The following ADAM32 variants were observed in gnomAD, a reference collection of about 807,000 sequenced individuals.
ADAM32 encodes the protein disintegrin and metalloproteinase domain-containing protein 32.
Under a neutral mutation model 114.9 loss-of-function variants are expected in ADAM32, and 89 were observed. The observed-to-expected ratio is 0.77, with a 90% CI of 0.65 to 0.92. The LOEUF (loss-of-function observed/expected upper bound fraction) is 0.92, where lower values mean the gene tolerates loss of function less well. Among genes scored for constraint, ADAM32 ranks in the 40% least tolerant of loss-of-function variants. ADAM32 has a pLI of 0.00. For synonymous variants in ADAM32, 285 were observed against 307.5 expected, an observed-to-expected ratio of 0.93 and a Z score of 0.77; for missense variants, 870 against 932.8, an observed-to-expected ratio of 0.93 and a Z score of 0.88.
At chr8:39,283,552 T>C in intron 23 of ADAM32, 34 bp from the exon 24 acceptor site, 14 of 1,535,350 alleles carry the variant, frequency 9.1e-6, no homozygotes, top group Non-Finnish European at 1.2e-5. Context: ...TTGTATTATA[T>C]CAGCCTAAAA....
intron 10 of ADAM32, among the ~76,000 whole-genome samples, chr8:39,171,516 A>G (rs1019918058): frequency 5.3e-5 from 8 of 151,992 alleles, no homozygotes; most frequent in African/African-American, 9.7e-5. Context: ...ACCTATTTTT[A>G]TTTCTAATAC....
chr8:39,120,408 G>A (rs1015832981), intron 2 of ADAM32, among the ~76,000 whole-genome samples: 41 of 152,114 alleles, frequency 2.7e-4, no homozygotes, highest in African/African-American at 6.3e-4. Flanking sequence ...AGCTTTTATC[G>A]TCTTAGGGAA....
chr8:39,164,720 C>A, intron 7 of ADAM32, 44 bp from the exon 8 acceptor site: 1 of 1,412,916 alleles, frequency 7.1e-7, no homozygotes, highest in Non-Finnish European at 9.7e-7. Context: ...AAAAATACTA[C>A]ATAATAATTT....
At chr8:39,113,870 G>A (rs1840266338) in intron 1 of ADAM32, among the ~76,000 whole-genome samples, 1 of 152,146 alleles carries the variant, frequency 6.6e-6, no homozygotes, top group Non-Finnish European at 1.5e-5. Flanking sequence ...TATTGTTCTT[G>A]TCAGATGAAG....
At chr8:39,211,361 T>G in intron 12 of ADAM32, 37 bp downstream of exon 12, 1 of 1,410,128 alleles carries the variant, frequency 7.1e-7, no homozygotes, top group Non-Finnish European at 9.3e-7. Context: ...TTAATAAATT[T>G]ATTGTTTTAA....
chr8:39,224,313 A>G (rs1183751217), intron 14 of ADAM32, among the ~76,000 whole-genome samples: 8 of 152,232 alleles, frequency 5.3e-5, no homozygotes. Flanking sequence ...GGTGAATCAT[A>G]AGGTAGTTCT....
In ADAM32 at chr8:39,165,016, T is replaced by C. The variant is rs1369121982; in HGVS notation, c.667-14T>C. On this transcript the variant is annotated splice_polypyrimidine_tract_variant and intron_variant, in intron 8 of 24. Transcript: ENST00000379907. ...AATATTAATTATGCATGTATTTATC[T>C]CTTCTGTTTTTAGATGTTCACCCAA... 6.3e-6 allele frequency: 10 copies of C among 1,575,972 alleles called. No homozygotes were observed. The East Asian group carries it at 2.2e-4, about 35-fold the overall frequency.
chr8:39,259,549 C>A (rs1156840381), intron 19 of ADAM32, among the ~76,000 whole-genome samples: 1 of 151,838 alleles, frequency 6.6e-6, no homozygotes, highest in African/African-American at 2.4e-5. Flanking sequence ...TAAATTTAAT[C>A]ATTACATATA....
At chr8:39,153,714 C>T (rs1244428100) in intron 6 of ADAM32, among the ~76,000 whole-genome samples, 2 of 152,170 alleles carry the variant, frequency 1.3e-5, no homozygotes, top group African/African-American at 4.8e-5. Context: ...AATCCTGCTT[C>T]TCCCACTCAT....
intron 12 of ADAM32, among the ~76,000 whole-genome samples, chr8:39,218,598 T>A (rs1808746025): frequency 6.6e-6 from 1 of 152,106 alleles, no homozygotes; most frequent in Non-Finnish European, 1.5e-5. Flanking sequence ...TCCTTCCTAC[T>A]CTTACTTTTT....
intron 9 of ADAM32, chr8:39,166,332 T>C (rs939748509): frequency 6.6e-6 from 1 of 152,238 alleles, no homozygotes; most frequent in Non-Finnish European, 1.5e-5. Flanking sequence ...CTTAGAATAA[T>C]AGTCTCCAAT....
At chr8:39,111,441 C>A (rs1189884188) in intron 1 of ADAM32, among the ~76,000 whole-genome samples, 1 of 151,960 alleles carries the variant, frequency 6.6e-6, no homozygotes, top group East Asian at 1.9e-4. Flanking sequence ...TGACATAGAA[C>A]AAATTGGGAA....
At chr8:39,175,586 T>A (rs1452683313) in intron 10 of ADAM32, among the ~76,000 whole-genome samples, 2 of 152,172 alleles carry the variant, frequency 1.3e-5, no homozygotes, top group African/African-American at 4.8e-5. Context: ...TGCCAGTATT[T>A]TATTGAGGAT....
intron 2 of ADAM32, among the ~76,000 whole-genome samples, 197 bp downstream of exon 2, chr8:39,118,362 T>C (rs1017589470): frequency 1.3e-5 from 2 of 152,146 alleles, no homozygotes; most frequent in Admixed American, 1.3e-4. Flanking sequence ...TTTGTCATTT[T>C]CTTATGGTAA....
chr8:39,226,472 T>A (rs1423137885), intron 14 of ADAM32, among the ~76,000 whole-genome samples: 1 of 151,890 alleles, frequency 6.6e-6, no homozygotes, highest in Non-Finnish European at 1.5e-5. Context: ...TGAACAAGAC[T>A]ACACCAAGAC....
chr8:39,205,545 G>T (rs558116753), intron 11 of ADAM32, among the ~76,000 whole-genome samples: 3 of 152,352 alleles, frequency 2.0e-5, no homozygotes, highest in Middle Eastern at 6.8e-3. Context: ...TTAGGAAAGG[G>T]AATTCCGTGA....
chr8:39,254,325 C>G, intron 17 of ADAM32, 89 bp from the exon 18 acceptor site: 5 of 1,061,768 alleles, frequency 4.7e-6, no homozygotes, highest in East Asian at 3.0e-5. Context: ...CAAAATTACA[C>G]TAGATTATGG....
intron 1 of ADAM32, among the ~76,000 whole-genome samples, chr8:39,116,518 C>T (rs1840383455): frequency 1.3e-5 from 2 of 152,014 alleles, no homozygotes; most frequent in Non-Finnish European, 2.9e-5. Context: ...GGATCCTGTT[C>T]TTATTTTGGC....
chr8:39,231,894 C>T (rs903584054), intron 14 of ADAM32, 133 bp from the exon 15 acceptor site: 7 of 726,124 alleles, frequency 9.6e-6, no homozygotes, highest in Non-Finnish European at 1.6e-5. Flanking sequence ...TTTATTCTTT[C>T]CTTACAACCT....
Sources: allele counts gnomAD v4.1 joint callset (sites outside exome capture counted in the v4.1 genomes callset), GRCh38; gene constraint gnomAD v4.1.1; transcripts MANE v1.5; gene names NCBI Gene and HGNC (gene_info 2026-07-23, HGNC 2026-07-21).